Variants in SART3 observed in about 807,000 individuals in gnomAD.
The protein encoded by SART3 is HIV-1 Tat-interacting protein of 110kDa.
A neutral mutation model predicts 122.3 loss-of-function variants in SART3; 44 were observed. That is an observed-to-expected ratio of 0.36 (90% CI 0.28 to 0.46). SART3 has a LOEUF of 0.46. SART3 is among the 20% of genes least tolerant of loss of function. The pLI, the probability that SART3 is intolerant of heterozygous loss-of-function variation, is 1.00. For synonymous variants in SART3, 442 were observed against 454.0 expected (o/e 0.97, Z 0.34); for missense variants, 1,101 against 1,229.0 (o/e 0.90, Z 1.56).
intron 9 of SART3, chr12:108,537,052 CA>C (rs1872939766): frequency 1.9e-6 from 1 of 513,258 alleles, no homozygotes; most frequent in Non-Finnish European, 3.5e-6. Context: ...CACAGGCAAA[CA>C]AGAGAATGGC....
intron 6 of SART3, among the ~76,000 whole-genome samples, chr12:108,541,543 T>C (rs137936232): frequency 6.7e-6 from 1 of 149,520 alleles, no homozygotes; most frequent in Non-Finnish European, 1.5e-5. Context: ...GGTCAAAGAC[T>C]TTTTTTTTTG....
At chr12:108,527,585 T>C (rs1872443172) in intron 15 of SART3, among the ~76,000 whole-genome samples, 1 of 152,182 alleles carries the variant, frequency 6.6e-6, no homozygotes, top group South Asian at 2.1e-4. Flanking sequence ...TGCCTTATTC[T>C]GCCAAACTGG....
rs1365470539 is a variant in SART3, at chr12:108,522,572, TG to T, written c.*884del. 2.0e-5 allele frequency: 3 copies of T among 152,236 alleles called. No individual in the cohort carries two copies. The highest frequency in any genetic ancestry group is 7.2e-5 in the African/African-American group (3 of 41,460). 9.4% of individuals were successfully genotyped at this position (152,236 alleles called of 1,614,324 possible). ...GGAATAATTTAAATCAAAGTGACAA[TG>T]GGATTTGACTTACAAAAGTTCTATT... is the stretch of plus-strand genomic sequence containing the variant. On this transcript the variant is annotated 3_prime_UTR_variant, in exon 19 of 19. Coordinates refer to ENST00000546815, the MANE Select transcript of SART3 (RefSeq NM_014706.4).
chr12:108,537,915 A>C, intron 8 of SART3, 150 bp downstream of exon 8: 1 of 882,868 alleles, frequency 1.1e-6, no homozygotes, highest in Non-Finnish European at 1.9e-6. Context: ...AAATATAACC[A>C]GTTCATCTCT....
At chr12:108,560,606 T>G in intron 1 of SART3, 2 of 474,224 alleles carry the variant, frequency 4.2e-6, no homozygotes. Flanking sequence ...TCCAGTAAAA[T>G]GGGGATAGAT....
Position 108,561,005 on chromosome 12 carries a change from G to C in SART3, c.150C>G (p.Thr50=), listed in dbSNP as rs779283412. The C allele has an allele frequency of 7.4e-6, 12 of 1,614,074 alleles. No individual in the cohort carries two copies. The highest frequency in any genetic ancestry group is 1.0e-5 in the Non-Finnish European group (12 of 1,180,046). ...SRAVAAATYK[T]MGPAWDQQEE... ...CCTGCTGATCCCACGCTGGCCCCATGGTCTTGTATGTCGCAGCGGCCACAG... is the reference window on the plus strand; with the variant it reads ...CCTGCTGATCCCACGCTGGCCCCATCGTCTTGTATGTCGCAGCGGCCACAG... Residue 50 remains threonine, a synonymous_variant, in exon 1 of 19, where the codon ACC becomes ACG. Coordinates refer to ENST00000546815, the MANE Select transcript of SART3 (RefSeq NM_014706.4).
intron 6 of SART3, among the ~76,000 whole-genome samples, chr12:108,542,188 C>A (rs574845785): frequency 6.6e-6 from 1 of 152,012 alleles, no homozygotes; most frequent in African/African-American, 2.4e-5. Context: ...GGCCAATCCA[C>A]GTGAAAAGAT....
intron 1 of SART3, among the ~76,000 whole-genome samples, chr12:108,551,209 A>G (rs7316672): frequency 0.048 from 7,275 of 152,292 alleles, 578 homozygotes; most frequent in African/African-American, 0.16. Context: ...CATAACGTAC[A>G]CTTCAGAGCA....
At chr12:108,523,889 C>G in intron 18 of SART3, 1 of 590,768 alleles carries the variant, frequency 1.7e-6, no homozygotes, top group Non-Finnish European at 3.0e-6. Context: ...GTGACTATCA[C>G]CTCTCAGACC....
intron 3 of SART3, among the ~76,000 whole-genome samples, chr12:108,546,710 G>A (rs1041485124): frequency 2.6e-5 from 4 of 151,928 alleles, no homozygotes; most frequent in Admixed American, 1.3e-4. Flanking sequence ...AGTGGAGATG[G>A]GGTTTTCCCC....
intron 1 of SART3, among the ~76,000 whole-genome samples, chr12:108,556,220 T>C (rs1461305266): frequency 6.6e-6 from 1 of 151,994 alleles, no homozygotes; most frequent in African/African-American, 2.4e-5. Context: ...GCCTCTTGAG[T>C]AGCTGCTACT....
rs757369973 is a variant in SART3 at position 108,530,255 on chromosome 12, C to T, written c.1802G>A (p.Arg601Gln). 48 of 1,613,994 alleles carry T rather than the reference C, an allele frequency of 3.0e-5. No homozygotes were observed. Among genetic ancestry groups the T allele is most frequent in the East Asian group, 6.7e-5 (3 of 44,898 alleles). The change falls in exon 15 of 19, where the codon CGG (arginine) becomes CAG (glutamine). Residue 601 changes from arginine to glutamine, a missense_variant. By Grantham distance (43) the Arg-to-Gln change is conservative. Transcript: ENST00000546815. ...TTTCTTCTCAGCCCGAGCTCTTTTC[C>T]GTTGTTCAGCCTTTTCTTCTTCTTG... Reference protein sequence around the residue: ...VQQEEEKAEQRKRARAEKKAL... With the variant: ...VQQEEEKAEQQKRARAEKKAL...
intron 1 of SART3, among the ~76,000 whole-genome samples, chr12:108,557,531 T>C (rs36104887): frequency 0.013 from 1,956 of 152,264 alleles, 15 homozygotes; most frequent in Non-Finnish European, 0.021. Context: ...GAAGGGAGAA[T>C]GGAGCAGCAC....
chr12:108,558,747 G>A (rs564596790), intron 1 of SART3, among the ~76,000 whole-genome samples: 3 of 152,170 alleles, frequency 2.0e-5, no homozygotes, highest in African/African-American at 7.2e-5. Context: ...TTTATAAAAA[G>A]TAGAGGGCAG....
intron 6 of SART3, among the ~76,000 whole-genome samples, chr12:108,539,687 G>A (rs757639391): frequency 5.3e-5 from 8 of 152,136 alleles, no homozygotes; most frequent in African/African-American, 1.4e-4. Flanking sequence ...TTGAATGATC[G>A]AAGTTTTGGG....
intron 1 of SART3, among the ~76,000 whole-genome samples, chr12:108,551,073 T>C (rs549260429): frequency 1.3e-5 from 2 of 152,180 alleles, no homozygotes; most frequent in East Asian, 1.9e-4. Context: ...ACAACCCAAC[T>C]ATATGGTGAG....
Position 108,546,522 on chromosome 12 carries a change from C to CT in SART3, c.545-1200dup, listed in dbSNP as rs59151146. ...TCTGAAAGGGGAAATTTTTTTAATGCTTTTTTTTTTTTTTTTGAGACAGAG... is the reference window on the plus strand; with the variant it reads ...TCTGAAAGGGGAAATTTTTTTAATGCTTTTTTTTTTTTTTTTTGAGACAGAG... On this transcript the variant is annotated intron_variant, in intron 3 of 18. Transcript: ENST00000546815. 1.9e-3 allele frequency among the ~76,000 whole-genome samples: 264 copies of CT among 137,682 alleles called. 1 individual carries two copies. The highest frequency in any genetic ancestry group is 6.6e-3 in the African/African-American group (246 of 37,270). The allele number at this position is 137,682 out of a possible 152,430, so 90.3% of individuals were successfully genotyped here.
intron 1 of SART3, among the ~76,000 whole-genome samples, chr12:108,550,851 A>AAAAT (rs1404594438): frequency 6.6e-6 from 1 of 152,232 alleles, no homozygotes; most frequent in Non-Finnish European, 1.5e-5. Context: ...CCATCTCAAA[A>AAAAT]AAATAAATAA....
Position 108,535,483 on chromosome 12 carries a change from CAGGCTGTT to C in SART3, c.1447-23_1447-16del. The C allele has an allele frequency of 6.2e-7, 1 of 1,608,640 alleles. No individual in the cohort carries two copies. The highest frequency in any genetic ancestry group is 1.1e-5 in the South Asian group (1 of 90,984). ...CACAGTCGAGCCTAAAGTGCATCAG[CAGGCTGTT>C]AGGAGACCTGAACCTTATGACGTCG... On this transcript the variant is annotated splice_polypyrimidine_tract_variant and intron_variant, in intron 11 of 18. Coordinates refer to ENST00000546815, the MANE Select transcript of SART3 (RefSeq NM_014706.4).
Sources: allele counts gnomAD v4.1 joint callset (sites outside exome capture counted in the v4.1 genomes callset), GRCh38; gene constraint gnomAD v4.1.1; transcripts MANE v1.5; gene names NCBI Gene and HGNC (gene_info 2026-07-23, HGNC 2026-07-21).